SEMA3A: variants seen among roughly 807,000 people sequenced by gnomAD.
SEMA3A encodes semaphorin 3A, also known as semaphorin-3A.
SEMA3A carries 29 observed loss-of-function variants against 97.9 expected under a neutral mutation model. That is an observed-to-expected ratio of 0.30 (90% CI 0.22 to 0.40). SEMA3A has a LOEUF of 0.40. SEMA3A is among the 10% of genes least tolerant of loss of function. The pLI is 1.00. For synonymous variants in SEMA3A, 321 were observed against 323.7 expected (o/e 0.99, Z 0.09); for missense variants, 763 against 951.3 (o/e 0.80, Z 2.60).
chr7:84,114,541 C>A (rs569713241), intron 3 of SEMA3A, among the ~76,000 whole-genome samples: 1 of 152,064 alleles, frequency 6.6e-6, no homozygotes, highest in East Asian at 1.9e-4. Context: ...CAAAGGAAAC[C>A]TTTTCCTATC....
intron 1 of SEMA3A, among the ~76,000 whole-genome samples, chr7:84,437,216 G>T (rs896777408): frequency 3.3e-5 from 5 of 151,992 alleles, no homozygotes; most frequent in Non-Finnish European, 5.9e-5. Context: ...ATGGCTAAAG[G>T]TTCCTAGAGA....
intron 1 of SEMA3A, among the ~76,000 whole-genome samples, chr7:84,395,923 A>G (rs1223637847): frequency 1.3e-5 from 2 of 152,196 alleles, no homozygotes; most frequent in African/African-American, 4.8e-5. Flanking sequence ...GTACAGATTT[A>G]GAAAGAAATC....
In SEMA3A at chr7:83,993,134, T is replaced by G. The variant is rs538658077; in HGVS notation, c.1453-7657A>C. On this transcript the variant is annotated intron_variant, in intron 12 of 16. Coordinates refer to ENST00000265362, the MANE Select transcript of SEMA3A (RefSeq NM_006080.3). ...AGTCTGTTTTATCAGAGACTAGGAT[T>G]GCAACCCCTGCCTTTTTTTGTTTTC... 6.8e-4 allele frequency among the ~76,000 whole-genome samples: 97 copies of G among 142,892 alleles called. No individual in the cohort carries two copies. In the East Asian group the frequency reaches 6.9e-3, roughly 10 times the overall value. 93.7% of individuals were successfully genotyped at this position (142,892 alleles called of 152,430 possible). A position where few individuals can be genotyped will look rare whatever the true frequency, so the allele number is the denominator to read the frequency against.
chr7:83,992,568 C>T (rs1304520269), intron 12 of SEMA3A, among the ~76,000 whole-genome samples: 13 of 152,010 alleles, frequency 8.6e-5, no homozygotes, highest in South Asian at 2.1e-4. Flanking sequence ...GCCTTCATTT[C>T]CTTATGTACC....
At chr7:84,006,132 G>A (rs1313727265) in intron 10 of SEMA3A, among the ~76,000 whole-genome samples, 2 of 151,980 alleles carry the variant, frequency 1.3e-5, no homozygotes, top group Admixed American at 1.3e-4. Context: ...AGTGTTATTA[G>A]TAAAATAAGT....
intron 1 of SEMA3A, among the ~76,000 whole-genome samples, chr7:84,178,225 G>A (rs1041288163): frequency 2.0e-5 from 3 of 152,130 alleles, no homozygotes; most frequent in Non-Finnish European, 4.4e-5. Context: ...TAATTCCTTT[G>A]TAAATAAGGC....
chr7:84,181,120 C>A (rs1457470854), intron 1 of SEMA3A, among the ~76,000 whole-genome samples: 2 of 151,720 alleles, frequency 1.3e-5, no homozygotes, highest in Non-Finnish European at 2.9e-5. Context: ...TTCTTTTGCC[C>A]CCTTTTCTTT....
intron 4 of SEMA3A, among the ~76,000 whole-genome samples, chr7:84,091,746 G>A (rs939264685): frequency 6.6e-6 from 1 of 152,084 alleles, no homozygotes; most frequent in Non-Finnish European, 1.5e-5. Context: ...CTTTTCTCAA[G>A]ATGAATATCC....
At chr7:84,054,013 T>C (rs956612001) in intron 5 of SEMA3A, among the ~76,000 whole-genome samples, 1 of 151,870 alleles carries the variant, frequency 6.6e-6, no homozygotes, top group Non-Finnish European at 1.5e-5. Context: ...TTGAAAATTC[T>C]TTTCTTTAAG....
intron 6 of SEMA3A, 107 bp downstream of exon 6, chr7:84,046,217 C>T: frequency 7.5e-7 from 1 of 1,325,106 alleles, no homozygotes. Context: ...ATTAGCTTAA[C>T]TGCACAATAA....
chr7:84,433,884 G>C (rs1001114245), intron 1 of SEMA3A, among the ~76,000 whole-genome samples: 1 of 152,094 alleles, frequency 6.6e-6, no homozygotes, highest in East Asian at 1.9e-4. Context: ...CTTTTGAGAA[G>C]TGTCTGTTCA....
chr7:84,217,520 T>C (rs969189593), intron 3 of SEMA3A, among the ~76,000 whole-genome samples: 5 of 152,158 alleles, frequency 3.3e-5, no homozygotes, highest in Admixed American at 6.6e-5. Context: ...ATCTACCATG[T>C]GCTGTGGTGT....
chr7:84,417,618 A>C (rs1467558549), intron 1 of SEMA3A, among the ~76,000 whole-genome samples: 1 of 152,258 alleles, frequency 6.6e-6, no homozygotes, highest in East Asian at 1.9e-4. Flanking sequence ...TATGCAAATT[A>C]TAATAACAAA....
At position 84,422,960 on chromosome 7, in the gene SEMA3A, T is replaced by C. The variant is rs146896786; in HGVS notation, c.-245-51060A>G. Reference sequence around the variant, plus strand: ...CCTTTTAACCATGTTATGCTCCTTCTTACTGTAAAAGGAGATTTGAATCAT... The same window carrying C: ...CCTTTTAACCATGTTATGCTCCTTCCTACTGTAAAAGGAGATTTGAATCAT... On this transcript the variant is annotated intron_variant, in intron 1 of 3. Transcript: ENST00000424555. 3.1e-3 allele frequency among the ~76,000 whole-genome samples: 467 copies of C among 152,162 alleles called. 6 individuals carry two copies. In the East Asian group the frequency reaches 0.047, roughly 15 times the overall value.
intron 3 of SEMA3A, among the ~76,000 whole-genome samples, chr7:84,249,407 C>CTATG (rs1799553558): frequency 6.6e-6 from 1 of 151,836 alleles, no homozygotes; most frequent in Non-Finnish European, 1.5e-5. Context: ...ATCTATCTAT[C>CTATG]TATCTATCTA....
At position 84,269,069 on chromosome 7, in the gene SEMA3A, G is replaced by C. The variant is rs113584069; in HGVS notation, c.-83+38138C>G. On this transcript the variant is annotated intron_variant, in intron 3 of 3. Coordinates refer to the SEMA3A transcript ENST00000424555. ...TCTTCTTTTTAATCATTCTCTCTCA[G>C]AAATTATTTCTCCTTTCTCCCATCA... Among the ~76,000 whole-genome samples the C allele has an allele frequency of 3.3e-5, 5 of 152,048 alleles. 1 individual carries two copies. Among genetic ancestry groups the C allele is most frequent in the African/African-American group, 1.2e-4 (5 of 41,490 alleles).
intron 1 of SEMA3A, among the ~76,000 whole-genome samples, chr7:84,175,498 G>A (rs2116219017): frequency 6.6e-6 from 1 of 152,302 alleles, no homozygotes; most frequent in Non-Finnish European, 1.5e-5. Context: ...CATCCTGAGT[G>A]TCAGCTTCCC....
At chr7:84,207,510 G>A (rs1169054534) in intron 3 of SEMA3A, among the ~76,000 whole-genome samples, 1 of 152,056 alleles carries the variant, frequency 6.6e-6, no homozygotes, top group Non-Finnish European at 1.5e-5. Flanking sequence ...AAATATAATT[G>A]CTTAAAAGGG....
intron 2 of SEMA3A, among the ~76,000 whole-genome samples, chr7:84,346,648 G>A (rs969770337): frequency 7.2e-5 from 11 of 152,072 alleles, no homozygotes; most frequent in Non-Finnish European, 1.3e-4. Flanking sequence ...TAACTTTGCC[G>A]TCTTATATGG....
Sources: gnomAD v4.1 joint callset for allele counts (sites outside exome capture counted in the v4.1 genomes callset) on GRCh38, gnomAD v4.1.1 for gene constraint, MANE v1.5 for transcripts, NCBI Gene and HGNC (gene_info 2026-07-23, HGNC 2026-07-21) for gene names.